Variants in DOCK3 observed in about 807,000 individuals in gnomAD.
The protein encoded by DOCK3 is dedicator of cytokinesis 3.
DOCK3 carries 60 observed loss-of-function variants against 265.6 expected under a neutral mutation model. The observed-to-expected ratio is 0.23, with a 90% CI of 0.18 to 0.28. The LOEUF is 0.28. Among genes scored for constraint, DOCK3 ranks in the 10% least tolerant of loss-of-function variants. The pLI, the probability that DOCK3 is intolerant of heterozygous loss-of-function variation, is 1.00. For synonymous variants in DOCK3, 881 were observed against 938.0 expected (o/e 0.94, Z 1.11); for missense variants, 1,981 against 2,594.3 (o/e 0.76, Z 5.14).
chr3:50,743,405 G>GTTA (rs1323359190), intron 1 of DOCK3, among the ~76,000 whole-genome samples: 1 of 150,694 alleles, frequency 6.6e-6, no homozygotes, highest in Non-Finnish European at 1.5e-5. Flanking sequence ...TGGCAAATTG[G>GTTA]TTAAAGAGTC....
chr3:50,705,714 C>T (rs1025764770), intron 1 of DOCK3, among the ~76,000 whole-genome samples: 1 of 152,122 alleles, frequency 6.6e-6, no homozygotes, highest in African/African-American at 2.4e-5. Context: ...CCTGCCCAGT[C>T]GAGATCTGAT....
intron 10 of DOCK3, among the ~76,000 whole-genome samples, chr3:51,158,550 A>AAAGG (rs1221515631): frequency 7.9e-5 from 12 of 152,170 alleles, no homozygotes; most frequent in African/African-American, 2.9e-4. Context: ...TTTTTAAAGA[A>AAAGG]AAGGAAGAAA....
chr3:51,132,941 T>C (rs1454779342), intron 9 of DOCK3, among the ~76,000 whole-genome samples: 1 of 152,052 alleles, frequency 6.6e-6, no homozygotes, highest in Non-Finnish European at 1.5e-5. Context: ...CCTTTCCACC[T>C]TTGTCTGAGG....
At chr3:51,340,130 GT>G (rs1220194040) in intron 37 of DOCK3, among the ~76,000 whole-genome samples, 1 of 152,210 alleles carries the variant, frequency 6.6e-6, no homozygotes, top group Non-Finnish European at 1.5e-5. Context: ...TTTGATAAAT[GT>G]TATGTATCAG....
chr3:50,877,129 A>C (rs561741009), intron 3 of DOCK3: 2 of 278,786 alleles, frequency 7.2e-6, no homozygotes, highest in South Asian at 7.6e-5. Context: ...TGCTCCAGGA[A>C]AATTACCAGG....
chr3:50,732,381 C>G (rs151196996), intron 1 of DOCK3, among the ~76,000 whole-genome samples: 1 of 152,002 alleles, frequency 6.6e-6, no homozygotes, highest in African/African-American at 2.4e-5. Context: ...TGTAACAAAC[C>G]TGCACATCCT....
intron 22 of DOCK3, 41 bp downstream of exon 22, chr3:51,246,848 G>A: frequency 6.4e-7 from 1 of 1,573,186 alleles, no homozygotes. Context: ...ACCCACTCAT[G>A]CAATTATTTG....
rs376198577 is a variant in DOCK3, at chr3:51,348,933, A to G, written c.3997A>G (p.Ile1333Val). 56 of 1,568,782 alleles carry G rather than the reference A, an allele frequency of 3.6e-5. No individual in the cohort carries two copies. Among genetic ancestry groups the G allele is most frequent in the Non-Finnish European group, 4.1e-5 (48 of 1,156,916 alleles). Residue 1333 changes from isoleucine to valine, a missense_variant, in exon 39 of 53, where the codon ATT becomes GTT. This residue lies in a region of DOCK3 where 1,357 missense variants were observed against 1,866.8 expected (regional missense o/e 0.73). Transcript: ENST00000266037. ...SLYDYQSLSW[I>V]RKMEASYYDN... is the part of the protein sequence containing the mutation. ...CTATGATTACCAGAGCCTCAGCTGG[A>G]TTCGGGTGAGCTGTGCCCCTCCCCC... is the stretch of plus-strand genomic sequence containing the variant.
rs1374080718 is a variant in DOCK3, at chr3:50,895,260, T to G, written c.218+5179T>G. 8.6e-5 allele frequency among the ~76,000 whole-genome samples: 13 copies of G among 151,584 alleles called. No homozygotes were observed. In the Admixed American group the frequency reaches 8.6e-4, roughly 10 times the overall value. The stretch of plus-strand genomic sequence containing the variant: ...AACTCTTTTTTTCCTTCAACTTTAA[T>G]TTTAACTTCCAGGGTACATGTCCAT... On this transcript the variant is annotated intron_variant, in intron 4 of 52. Coordinates refer to ENST00000266037, the MANE Select transcript of DOCK3 (RefSeq NM_004947.5).
chr3:50,700,347 A>C (rs181993934), intron 1 of DOCK3, among the ~76,000 whole-genome samples: 1 of 152,332 alleles, frequency 6.6e-6, no homozygotes, highest in Admixed American at 6.5e-5. Context: ...TATTACTACT[A>C]TGCTGTCCAA....
At chr3:51,153,158 G>A (rs953351957) in intron 10 of DOCK3, among the ~76,000 whole-genome samples, 9 of 152,242 alleles carry the variant, frequency 5.9e-5, no homozygotes, top group Admixed American at 1.3e-4. Context: ...GGCTCTGCCC[G>A]TTGGAGCTTC....
intron 19 of DOCK3, among the ~76,000 whole-genome samples, chr3:51,231,214 C>T (rs113822541): frequency 1.3e-5 from 2 of 148,918 alleles, no homozygotes; most frequent in Admixed American, 6.7e-5. Flanking sequence ...CTGCAACCTC[C>T]GCCTCCTGGG....
chr3:51,002,177 G>C (rs949805725), intron 5 of DOCK3, among the ~76,000 whole-genome samples: 2 of 151,872 alleles, frequency 1.3e-5, no homozygotes, highest in Non-Finnish European at 2.9e-5. Context: ...TCAAACTCCT[G>C]GCCTCAAGTG....
chr3:51,200,263 C>T (rs2088631240), intron 12 of DOCK3, among the ~76,000 whole-genome samples: 1 of 151,480 alleles, frequency 6.6e-6, no homozygotes, highest in African/African-American at 2.4e-5. Context: ...AAACCAAAGG[C>T]AAAGAAGTTA....
At chr3:51,152,066 C>G (rs1304686291) in intron 10 of DOCK3, among the ~76,000 whole-genome samples, 3 of 152,158 alleles carry the variant, frequency 2.0e-5, no homozygotes, top group Admixed American at 2.0e-4. Flanking sequence ...GGGAAGTTCT[C>G]CTGGATAATA....
At chr3:50,793,245 G>C (rs957573545) in intron 2 of DOCK3, among the ~76,000 whole-genome samples, 1 of 151,910 alleles carries the variant, frequency 6.6e-6, no homozygotes, top group African/African-American at 2.4e-5. Context: ...TTTGGGGTCA[G>C]TGGTAATATC....
At chr3:50,747,809 A>G (rs1476942808) in intron 1 of DOCK3, among the ~76,000 whole-genome samples, 1 of 151,618 alleles carries the variant, frequency 6.6e-6, no homozygotes, top group Admixed American at 6.6e-5. Context: ...GGTTGCAGTG[A>G]GCCAAGATTG....
intron 1 of DOCK3, chr3:50,719,946 T>C: frequency 2.0e-6 from 1 of 495,872 alleles, no homozygotes; most frequent in African/African-American, 1.9e-5. Context: ...CCGTCCACAG[T>C]GATGTCGGGG....
At position 51,018,789 on chromosome 3, in the gene DOCK3, T is replaced by C. The variant is rs1043460426; in HGVS notation, c.316-45659T>C. ...AAGTTTTGGATTTTCAACTTTTAGA[T>C]TATGAATGCTCATCCTGTATCTTAT... On this transcript the variant is annotated intron_variant, in intron 5 of 52. Transcript: ENST00000266037. Among the ~76,000 whole-genome samples the C allele has an allele frequency of 1.6e-4, 24 of 151,904 alleles. 1 individual carries two copies. The highest frequency in any genetic ancestry group is 1.6e-3 in the Admixed American group (24 of 15,274).
Sources: gnomAD v4.1 joint callset for allele counts (sites outside exome capture counted in the v4.1 genomes callset) on GRCh38, gnomAD v4.1.1 for gene constraint, gnomAD v4.1.1 regional missense constraint, MANE v1.5 for transcripts, NCBI Gene and HGNC (gene_info 2026-07-23, HGNC 2026-07-21) for gene names.